The following KIF20B variants were observed in gnomAD, a reference collection of about 807,000 sequenced individuals.
KIF20B encodes kinesin-like protein KIF20B.
KIF20B carries 188 observed loss-of-function variants against 232.5 expected under a neutral mutation model. That is an observed-to-expected ratio of 0.81 (90% CI 0.72 to 0.91). KIF20B has a LOEUF of 0.91. KIF20B is among the 40% of genes least tolerant of loss of function. KIF20B has a pLI of 0.00. For synonymous variants in KIF20B, 712 were observed against 683.0 expected, an observed-to-expected ratio of 1.04 and a Z score of -0.66; for missense variants, 2,154 against 2,055.9, an observed-to-expected ratio of 1.05 and a Z score of -0.92.
At position 89,716,506 on chromosome 10, in the gene KIF20B, G is replaced by A. The variant is rs145084284; in HGVS notation, c.1011G>A (p.Gln337=). The part of the protein sequence containing the change: ...YRLLKLGIKH[Q]SVAFTKLNNA... ...TTTTAAAACTAGGAATAAAGCACCA[G>A]AGTGTTGCCTTCACAAAATTGAATA... Residue 337 remains glutamine, a synonymous_variant, in exon 9 of 33, where the codon CAG becomes CAA. Transcript: ENST00000371728. The A allele has an allele frequency of 1.7e-4, 273 of 1,594,104 alleles. No individual in the cohort carries two copies. The African/African-American group carries it at 3.2e-3, about 19-fold the overall frequency.
At chr10:89,702,529 T>A (rs1250365825) in intron 1 of KIF20B, among the ~76,000 whole-genome samples, 1 of 152,234 alleles carries the variant, frequency 6.6e-6, no homozygotes, top group Non-Finnish European at 1.5e-5. Flanking sequence ...CATAAAATAC[T>A]CATCGATTAG....
intron 23 of KIF20B, among the ~76,000 whole-genome samples, chr10:89,747,323 T>C (rs1841934107): frequency 6.6e-6 from 1 of 151,946 alleles, no homozygotes; most frequent in Non-Finnish European, 1.5e-5. Flanking sequence ...TGGAAGTCAG[T>C]GTGGCGATTC....
chr10:89,709,325 A>T lies in KIF20B; in HGVS notation c.235-20A>T. ...AATGGCAAAATACTAGTTTTTATTT[A>T]TTGGGGGTATGTTTTCTAGGGCTGT... On this transcript the variant is annotated intron_variant, in intron 3 of 32. Transcript: ENST00000371728. 2 of 1,597,012 alleles carry T rather than the reference A, an allele frequency of 1.3e-6. No individual in the cohort carries two copies. The highest frequency in any genetic ancestry group is 1.1e-5 in the South Asian group (1 of 88,786).
chr10:89,734,576 T>C (rs746178267), intron 19 of KIF20B, among the ~76,000 whole-genome samples: 10 of 152,216 alleles, frequency 6.6e-5, no homozygotes, highest in Non-Finnish European at 1.2e-4. Flanking sequence ...GATTAGTATA[T>C]ATGGAAATGA....
At chr10:89,759,531 A>T (rs1444759002) in intron 27 of KIF20B, among the ~76,000 whole-genome samples, 6 of 152,094 alleles carry the variant, frequency 3.9e-5, no homozygotes, top group African/African-American at 1.4e-4. Context: ...ACATCAAAAG[A>T]CTATTATTGT....
intron 20 of KIF20B, 61 bp downstream of exon 20, chr10:89,738,678 C>T (rs1841725132): frequency 1.2e-5 from 18 of 1,475,556 alleles, no homozygotes; most frequent in Non-Finnish European, 1.6e-5. Context: ...TGCTATGCAG[C>T]TTTAAAAAAG....
At chr10:89,754,483 C>T (rs1842080489) in intron 25 of KIF20B, 35 bp from the exon 26 acceptor site, 1 of 1,381,450 alleles carries the variant, frequency 7.2e-7, no homozygotes, top group Non-Finnish European at 9.7e-7. Context: ...ACTTTGTAGG[C>T]ATGCGATAAT....
At chr10:89,714,738 A>T (rs141315425) in intron 7 of KIF20B, among the ~76,000 whole-genome samples, 132 of 152,320 alleles carry the variant, frequency 8.7e-4, no homozygotes, top group African/African-American at 3.0e-3. Flanking sequence ...GTTCATTAAC[A>T]TATTTTCAAA....
intron 26 of KIF20B, 143 bp downstream of exon 26, chr10:89,754,816 G>A: frequency 3.8e-6 from 2 of 531,992 alleles, no homozygotes; most frequent in African/African-American, 2.0e-5. Context: ...TAACTTCTGA[G>A]CCAATTTATC....
chr10:89,772,136 G>A (rs1459293487), intron 31 of KIF20B, among the ~76,000 whole-genome samples: 1 of 151,722 alleles, frequency 6.6e-6, no homozygotes, highest in Non-Finnish European at 1.5e-5. Flanking sequence ...TTAAAAAAAA[G>A]TACTATGTAC....
intron 2 of KIF20B, among the ~76,000 whole-genome samples, chr10:89,708,592 T>G (rs1281748328): frequency 6.6e-6 from 1 of 152,226 alleles, no homozygotes; most frequent in African/African-American, 2.4e-5. Context: ...ATTATTTTGT[T>G]TGAAAATGGA....
intron 23 of KIF20B, among the ~76,000 whole-genome samples, chr10:89,748,756 A>G (rs1361104153): frequency 1.3e-5 from 2 of 152,084 alleles, no homozygotes; most frequent in African/African-American, 2.4e-5. Context: ...GGAAAAGTCT[A>G]CCCTTGGACC....
At chr10:89,715,252 C>T (rs1008736926) in intron 8 of KIF20B, 70 bp downstream of exon 8, 7 of 922,728 alleles carry the variant, frequency 7.6e-6, no homozygotes, top group African/African-American at 3.5e-5. Flanking sequence ...AGCTGTAAGA[C>T]TAAAACAAAT....
At chr10:89,730,895 T>G (rs1375380414) in intron 18 of KIF20B, among the ~76,000 whole-genome samples, 1 of 152,086 alleles carries the variant, frequency 6.6e-6, no homozygotes, top group African/African-American at 2.4e-5. Flanking sequence ...TGAGATGGAA[T>G]TAGACTACAG....
chr10:89,746,331 G>A (rs1469451553), intron 23 of KIF20B, among the ~76,000 whole-genome samples: 1 of 152,168 alleles, frequency 6.6e-6, no homozygotes, highest in Admixed American at 6.5e-5. Context: ...CGTGTAGAAG[G>A]TTTTATTGAG....
At chr10:89,768,913 C>A (rs750219439) in intron 31 of KIF20B, 25 bp downstream of exon 31, 10 of 1,561,294 alleles carry the variant, frequency 6.4e-6, no homozygotes, top group Non-Finnish European at 8.6e-6. Context: ...AATTAAATGA[C>A]CTTTTTTTGT....
intron 2 of KIF20B, among the ~76,000 whole-genome samples, chr10:89,705,659 A>T (rs1279373842): frequency 6.6e-6 from 1 of 152,214 alleles, no homozygotes; most frequent in Admixed American, 6.5e-5. Context: ...ATAAAGTTTT[A>T]TTGCATCACA....
chr10:89,712,286 C>T (rs1842849425), intron 6 of KIF20B, among the ~76,000 whole-genome samples: 1 of 151,332 alleles, frequency 6.6e-6, no homozygotes, highest in Non-Finnish European at 1.5e-5. Flanking sequence ...CAGGATCTTG[C>T]TTTGTCATCC....
intron 21 of KIF20B, among the ~76,000 whole-genome samples, chr10:89,740,375 G>A (rs928518081): frequency 6.6e-6 from 1 of 152,068 alleles, no homozygotes; most frequent in Admixed American, 6.5e-5. Context: ...AGAGGGTGGT[G>A]CAGAGCTTCT....
Sources: allele counts gnomAD v4.1 joint callset (sites outside exome capture counted in the v4.1 genomes callset), GRCh38; gene constraint gnomAD v4.1.1; transcripts MANE v1.5; gene names NCBI Gene and HGNC (gene_info 2026-07-23, HGNC 2026-07-21).